The following BCHE variants were observed in gnomAD, a reference collection of about 807,000 sequenced individuals.
BCHE encodes the protein butyrylcholinesterase, also known as cholinesterase.
Under a neutral mutation model 51.3 loss-of-function variants are expected in BCHE, and 48 were observed. The ratio of observed to expected loss-of-function variants is 0.94; its 90% CI spans 0.74 to 1.19. BCHE has a LOEUF of 1.19. BCHE is among the 50% of genes most tolerant of loss of function. The pLI is 0.00. For missense variants in BCHE, 847 were observed against 708.2 expected (o/e 1.20, Z -2.23); for synonymous variants, 251 against 238.0 (o/e 1.05, Z -0.50).
chr3:165,800,458 TATA>T (rs1434759709), intron 2 of BCHE, among the ~76,000 whole-genome samples: 2 of 152,072 alleles, frequency 1.3e-5, no homozygotes, highest in Non-Finnish European at 2.9e-5. Flanking sequence ...TAATACCAAA[TATA>T]ATATTAAGCT....
At chr3:165,782,785 G>A (rs752353849) in intron 3 of BCHE, among the ~76,000 whole-genome samples, 2 of 152,100 alleles carry the variant, frequency 1.3e-5, no homozygotes, top group Non-Finnish European at 2.9e-5. Flanking sequence ...TGTCTGATGA[G>A]GACCTGCTTT....
chr3:165,781,231 A>G (rs536365617), intron 3 of BCHE, among the ~76,000 whole-genome samples: 1 of 152,224 alleles, frequency 6.6e-6, no homozygotes. Flanking sequence ...AGCCTAGGCA[A>G]CAAGAGTGAA....
chr3:165,830,588 C>A lies in BCHE; in HGVS notation c.446G>T (p.Gly149Val). Residue 149 changes from glycine to valine, a missense_variant, in exon 2 of 4, where the codon GGA (glycine) becomes GTA (valine). Gly to Val is a moderately radical substitution (Grantham distance 109). Coordinates refer to ENST00000264381, the MANE Select transcript of BCHE (RefSeq NM_000055.4). ...ATCATAAACATGTAAAGATGATGTTCCAGTTTGAAAACCACCACCATAAAT... is the reference window on the plus strand; with the variant it reads ...ATCATAAACATGTAAAGATGATGTTACAGTTTGAAAACCACCACCATAAAT... ...IWIYGGGFQT[G>V]TSSLHVYDGK... 6.2e-7 allele frequency: 1 copy of A among 1,613,944 alleles called. No homozygotes were observed. The highest frequency in any genetic ancestry group is 8.5e-7 in the Non-Finnish European group (1 of 1,179,942).
chr3:165,809,787 T>C (rs1714022406), intron 2 of BCHE, among the ~76,000 whole-genome samples: 1 of 152,122 alleles, frequency 6.6e-6, no homozygotes, highest in Admixed American at 6.5e-5. Flanking sequence ...GTCATGGCTT[T>C]TATAATGATT....
chr3:165,797,042 A>G (rs577666141), intron 2 of BCHE, among the ~76,000 whole-genome samples: 3 of 152,212 alleles, frequency 2.0e-5, no homozygotes, highest in Non-Finnish European at 2.9e-5. Flanking sequence ...GCCTCCTCCA[A>G]CTTCAGAAAA....
At chr3:165,801,165 A>G (rs1270760549) in intron 2 of BCHE, among the ~76,000 whole-genome samples, 1 of 152,210 alleles carries the variant, frequency 6.6e-6, no homozygotes, top group African/African-American at 2.4e-5. Context: ...AGCACAAGCA[A>G]TTCCTTCTAG....
chr3:165,789,004 T>C (rs1243454429), intron 2 of BCHE, among the ~76,000 whole-genome samples: 6 of 152,172 alleles, frequency 3.9e-5, no homozygotes, highest in African/African-American at 1.4e-4. Context: ...AAATACAACA[T>C]ATTTCCACCA....
At chr3:165,779,921 A>C (rs961801942) in intron 3 of BCHE, among the ~76,000 whole-genome samples, 1 of 152,074 alleles carries the variant, frequency 6.6e-6, no homozygotes, top group African/African-American at 2.4e-5. Flanking sequence ...CTTTAAATTT[A>C]ATATGTAACC....
At chr3:165,831,386 A>G (rs1714982888) in intron 1 of BCHE, among the ~76,000 whole-genome samples, 1 of 152,194 alleles carries the variant, frequency 6.6e-6, no homozygotes, top group African/African-American at 2.4e-5. Context: ...AAAAAGCAGT[A>G]AACAGTAGTC....
intron 2 of BCHE, among the ~76,000 whole-genome samples, chr3:165,789,094 A>G (rs1243250614): frequency 1.3e-5 from 2 of 152,186 alleles, no homozygotes; most frequent in Admixed American, 1.3e-4. Flanking sequence ...GCTATTTCTC[A>G]AAGAATTTTT....
At chr3:165,820,151 C>T (rs538831225) in intron 2 of BCHE, among the ~76,000 whole-genome samples, 1 of 152,046 alleles carries the variant, frequency 6.6e-6, no homozygotes, top group South Asian at 2.1e-4. Context: ...TTCTGAAATA[C>T]TTGATCAAAC....
intron 2 of BCHE, among the ~76,000 whole-genome samples, chr3:165,804,950 G>A (rs1713817025): frequency 1.3e-5 from 2 of 152,162 alleles, no homozygotes; most frequent in Admixed American, 1.3e-4. Context: ...GCATTTCACA[G>A]TTTATTTGTA....
chr3:165,773,241 A>C lies in BCHE; in HGVS notation c.*141T>G. ...AATGCTAGGTAAAATACTAAGTTAA[A>C]GATGTGAGGAATCAATATTATCCTT... On this transcript the variant is annotated 3_prime_UTR_variant, in exon 4 of 4. Transcript: ENST00000264381. The C allele has an allele frequency of 1.4e-6, 1 of 734,504 alleles. No homozygotes were observed. The highest frequency in any genetic ancestry group is 2.2e-6 in the Non-Finnish European group (1 of 459,112). The allele number at this position is 734,504 out of a possible 1,614,324, so 45.5% of individuals were successfully genotyped here. A position where few individuals can be genotyped will look rare whatever the true frequency, so the allele number is the denominator to read the frequency against.
At chr3:165,829,170 T>C (rs976092782) in intron 2 of BCHE, among the ~76,000 whole-genome samples, 1 of 152,138 alleles carries the variant, frequency 6.6e-6, no homozygotes, top group Non-Finnish European at 1.5e-5. Context: ...TCTGTGAACA[T>C]TGTAAACTTG....
intron 2 of BCHE, among the ~76,000 whole-genome samples, chr3:165,792,011 A>T (rs977125252): frequency 2.0e-5 from 3 of 149,044 alleles, no homozygotes; most frequent in African/African-American, 7.4e-5. Flanking sequence ...TGTTAAGTTC[A>T]CGTGTTAAAT....
chr3:165,782,254 A>G (rs1342650632), intron 3 of BCHE, among the ~76,000 whole-genome samples: 1 of 152,066 alleles, frequency 6.6e-6, no homozygotes, highest in Non-Finnish European at 1.5e-5. Flanking sequence ...GTACTTTAAG[A>G]TTATTTCAAA....
At chr3:165,799,093 G>C (rs185118967) in intron 2 of BCHE, among the ~76,000 whole-genome samples, 1 of 152,038 alleles carries the variant, frequency 6.6e-6, no homozygotes, top group Admixed American at 6.5e-5. Context: ...AGAAAACTTT[G>C]ATAAATAAAT....
chr3:165,816,281 T>C (rs1714310511), intron 2 of BCHE, among the ~76,000 whole-genome samples: 1 of 152,032 alleles, frequency 6.6e-6, no homozygotes, highest in Non-Finnish European at 1.5e-5. Context: ...GATAGTTTTC[T>C]ATAAGGAAAG....
intron 3 of BCHE, among the ~76,000 whole-genome samples, chr3:165,781,697 C>T (rs1000424863): frequency 5.3e-5 from 8 of 151,744 alleles, no homozygotes; most frequent in African/African-American, 1.9e-4. Flanking sequence ...CCATGACACA[C>T]GTATACCTAT....
Sources: gnomAD v4.1 joint callset for allele counts (sites outside exome capture counted in the v4.1 genomes callset) on GRCh38, gnomAD v4.1.1 for gene constraint, MANE v1.5 for transcripts, NCBI Gene and HGNC (gene_info 2026-07-23, HGNC 2026-07-21) for gene names.